ABLIM1: variants seen among roughly 807,000 people sequenced by gnomAD.
The protein encoded by ABLIM1 is actin binding LIM protein 1, also known as actin-binding LIM protein 1.
Under a neutral mutation model 107.0 loss-of-function variants are expected in ABLIM1, and 40 were observed. The ratio of observed to expected loss-of-function variants is 0.37; its 90% confidence interval spans 0.29 to 0.49. The LOEUF is 0.49. ABLIM1 is among the 20% of genes least tolerant of loss of function. The pLI, the probability that ABLIM1 is intolerant of heterozygous loss-of-function variation, is 0.97. For missense variants in ABLIM1, 857 were observed against 1,008.5 expected, an observed-to-expected ratio of 0.85 and a Z score of 2.04; for synonymous variants, 357 against 357.3, an observed-to-expected ratio of 1.00 and a Z score of 0.01.
rs2079939966 is a variant in ABLIM1 at position 114,664,626 on chromosome 10, CTCTG to C, written c.64+19660_64+19663del. 5.9e-5 allele frequency among the ~76,000 whole-genome samples: 9 copies of C among 151,860 alleles called. No individual in the cohort carries two copies. In the South Asian group the frequency reaches 1.9e-3, roughly 32 times the overall value. On this transcript the variant is annotated intron_variant, in intron 1 of 23. Transcript: ENST00000369256. The stretch of plus-strand genomic sequence containing the variant: ...TGGTGCGATCTTGGCTCACTGCAAC[CTCTG>C]CCTCCTGGGTTCAAGCAACTCTCCT...
At chr10:114,462,660 C>A (rs774661358) in intron 12 of ABLIM1, among the ~76,000 whole-genome samples, 5 of 151,962 alleles carry the variant, frequency 3.3e-5, no homozygotes, top group African/African-American at 1.2e-4. Context: ...TAAACACTGT[C>A]GTGTTTTGCT....
upstream of ABLIM1, among the ~76,000 whole-genome samples, chr10:114,661,982 A>G (rs112693673): frequency 5.3e-5 from 8 of 152,254 alleles, no homozygotes; most frequent in Admixed American, 2.0e-4. Context: ...TTTCTTCATC[A>G]GTCACAGTGA....
At chr10:114,684,174 T>C (rs2080866006) in intron 1 of ABLIM1, 2 of 1,016,094 alleles carry the variant, frequency 2.0e-6, no homozygotes, top group Non-Finnish European at 2.8e-6. Flanking sequence ...TTACTTATTA[T>C]CATAAGTGTA....
At chr10:114,515,930 T>G (rs1005527214) in intron 6 of ABLIM1, among the ~76,000 whole-genome samples, 8 of 152,186 alleles carry the variant, frequency 5.3e-5, no homozygotes, top group Non-Finnish European at 1.0e-4. Flanking sequence ...CACACCTTGA[T>G]TTCACCAGCC....
chr10:114,553,427 A>G (rs1473122356), intron 4 of ABLIM1, among the ~76,000 whole-genome samples: 4 of 152,220 alleles, frequency 2.6e-5, no homozygotes, highest in Non-Finnish European at 5.9e-5. Flanking sequence ...TTCCAAGGAA[A>G]GGTGCTAGGA....
At chr10:114,627,982 C>T (rs1338602972) in intron 1 of ABLIM1, among the ~76,000 whole-genome samples, 3 of 152,046 alleles carry the variant, frequency 2.0e-5, no homozygotes, top group Non-Finnish European at 2.9e-5. Flanking sequence ...ATTAGCCGGG[C>T]GTGGTGGTGC....
the ABLIM1 span, among the ~76,000 whole-genome samples, chr10:114,796,320 C>A: frequency 6.6e-6 from 1 of 152,170 alleles, no homozygotes; most frequent in Non-Finnish European, 1.5e-5. Flanking sequence ...GAACTGCTGT[C>A]ATCTGAAGGC....
At chr10:114,766,891 G>C (rs920652520) in intron 1 of ABLIM1, among the ~76,000 whole-genome samples, 4 of 152,108 alleles carry the variant, frequency 2.6e-5, no homozygotes, top group Admixed American at 2.6e-4. Context: ...GCATGAATAG[G>C]CAGGTAGTAT....
chr10:114,528,886 T>G (rs1280228124), intron 6 of ABLIM1, among the ~76,000 whole-genome samples: 1 of 152,228 alleles, frequency 6.6e-6, no homozygotes, highest in Non-Finnish European at 1.5e-5. Context: ...TTAGGCATAG[T>G]GGTTTTAGAA....
chr10:114,512,352 G>A lies in ABLIM1; in HGVS notation c.895-20474C>T, dbSNP rs572897565. ...CTGCAGAGAAGCCAAAAGGCTTTAC[G>A]TAGGAACCTTATTCATCTTTGCATT... is the stretch of plus-strand genomic sequence containing the variant. On this transcript the variant is annotated intron_variant, in intron 6 of 22. Coordinates refer to ENST00000533213, the MANE Select transcript of ABLIM1 (RefSeq NM_002313.7). 2.6e-4 allele frequency among the ~76,000 whole-genome samples: 39 copies of A among 152,342 alleles called. 1 individual carries two copies. The South Asian group carries it at 7.7e-3, about 30-fold the overall frequency.
intron 11 of ABLIM1, among the ~76,000 whole-genome samples, chr10:114,466,986 C>T (rs953898776): frequency 6.6e-6 from 1 of 152,068 alleles, no homozygotes; most frequent in African/African-American, 2.4e-5. Context: ...TGGTGAAACC[C>T]TGTCTCTACT....
rs78588453 is a variant in ABLIM1, at chr10:114,451,420, A to T, written c.1594+204T>A. 1.9e-3 allele frequency among the ~76,000 whole-genome samples: 293 copies of T among 152,320 alleles called. 1 individual carries two copies. The highest frequency in any genetic ancestry group is 6.4e-3 in the African/African-American group (266 of 41,578). On this transcript the variant is annotated intron_variant, in intron 14 of 22. Coordinates refer to ENST00000533213, the MANE Select transcript of ABLIM1 (RefSeq NM_002313.7). ...TTGATGGGCTCAGCAACAGGTTAGA[A>T]GCTTTCTAATCAAGCTAAGTCTCTC...
chr10:114,622,516 G>A (rs1286590551), intron 1 of ABLIM1, among the ~76,000 whole-genome samples: 1 of 151,998 alleles, frequency 6.6e-6, no homozygotes, highest in Non-Finnish European at 1.5e-5. Context: ...CAAATTGCTG[G>A]TATTATAGGT....
intron 1 of ABLIM1, among the ~76,000 whole-genome samples, chr10:114,702,921 A>G (rs891232491): frequency 3.3e-5 from 5 of 152,188 alleles, no homozygotes; most frequent in African/African-American, 1.2e-4. Flanking sequence ...ATGTTCTTAA[A>G]AAGAAAAATA....
At chr10:114,719,745 G>T (rs1271617428) in intron 1 of ABLIM1, among the ~76,000 whole-genome samples, 1 of 152,092 alleles carries the variant, frequency 6.6e-6, no homozygotes, top group Non-Finnish European at 1.5e-5. Flanking sequence ...TTAGCATTCT[G>T]GTGGCCTCTG....
chr10:114,478,018 G>A (rs1046782730), intron 8 of ABLIM1, among the ~76,000 whole-genome samples: 3 of 151,878 alleles, frequency 2.0e-5, no homozygotes, highest in Admixed American at 6.6e-5. Flanking sequence ...CATAACGCCT[G>A]GCCTCTCCCT....
upstream of ABLIM1, among the ~76,000 whole-genome samples, chr10:114,768,446 G>A (rs1339954117): frequency 6.6e-6 from 1 of 152,004 alleles, no homozygotes; most frequent in Non-Finnish European, 1.5e-5. Context: ...TTCTTAATAA[G>A]AAGAAAAATA....
At chr10:114,676,245 G>A (rs909079706) in intron 1 of ABLIM1, among the ~76,000 whole-genome samples, 2 of 152,344 alleles carry the variant, frequency 1.3e-5, no homozygotes, top group South Asian at 4.1e-4. Context: ...TTGGGAGGCC[G>A]AGGTGGGTGA....
At chr10:114,638,493 A>C (rs2078585606) in intron 1 of ABLIM1, among the ~76,000 whole-genome samples, 1 of 152,204 alleles carries the variant, frequency 6.6e-6, no homozygotes, top group African/African-American at 2.4e-5. Context: ...TGGATGAAGT[A>C]CATATTATTA....
Sources: allele counts gnomAD v4.1 joint callset (sites outside exome capture counted in the v4.1 genomes callset), GRCh38; gene constraint gnomAD v4.1.1; transcripts MANE v1.5; gene names NCBI Gene and HGNC (gene_info 2026-07-23, HGNC 2026-07-21).